The following GIT2 variants were observed in gnomAD, a reference collection of about 807,000 sequenced individuals.
GIT2 encodes the protein GIT ArfGAP 2.
A neutral mutation model predicts 100.3 loss-of-function variants in GIT2; 32 were observed. The ratio of observed to expected loss-of-function variants is 0.32; its 90% CI spans 0.24 to 0.43. The LOEUF (loss-of-function observed/expected upper bound fraction) is 0.43, where lower values mean the gene tolerates loss of function less well. Ranked by LOEUF, GIT2 falls within the 20% of genes least tolerant of loss-of-function variation. GIT2 has a pLI of 1.00. For missense variants in GIT2, 737 were observed against 975.1 expected, an observed-to-expected ratio of 0.76 and a Z score of 3.25; for synonymous variants, 353 against 364.1, an observed-to-expected ratio of 0.97 and a Z score of 0.35.
In GIT2 at chr12:109,988,995, C is replaced by A. The variant is rs771942558; in HGVS notation, c.373G>T (p.Asp125Tyr). The change falls in exon 4 of 20, where the codon GAC (aspartate) becomes TAC (tyrosine). Residue 125 changes from aspartate (D) to tyrosine (Y), a missense_variant. This residue lies in a region of GIT2 where 266 missense variants were observed against 376.2 expected (regional missense o/e 0.71). Coordinates refer to ENST00000355312, the MANE Select transcript of GIT2 (RefSeq NM_057169.5). ...AFVHRLPCRD[D>Y]DSVTAKDLSK... Reference sequence around the variant, plus strand: ...AGATCTTTGGCAGTCACACTATCGTCATCCCGGCAGGGCAAGCGATGGACG... The same window carrying A: ...AGATCTTTGGCAGTCACACTATCGTAATCCCGGCAGGGCAAGCGATGGACG... 19 of 1,611,724 alleles carry A rather than the reference C, an allele frequency of 1.2e-5. No homozygotes were observed. Among genetic ancestry groups the A allele is most frequent in the South Asian group, 6.6e-5 (6 of 91,038 alleles).
At chr12:109,937,687 A>C (rs1390735768) in intron 18 of GIT2, among the ~76,000 whole-genome samples, 5 of 152,110 alleles carry the variant, frequency 3.3e-5, no homozygotes, top group African/African-American at 1.2e-4. Flanking sequence ...GCAGAGATGG[A>C]CTTGGGTGAT....
intron 6 of GIT2, chr12:109,981,832 T>C (rs909953352): frequency 6.6e-6 from 1 of 152,232 alleles, no homozygotes; most frequent in African/African-American, 2.4e-5. Context: ...GTATATTTTG[T>C]GGTTTTTGTC....
At chr12:109,958,820 A>C (rs1051438819) in intron 12 of GIT2, among the ~76,000 whole-genome samples, 11 of 152,330 alleles carry the variant, frequency 7.2e-5, no homozygotes, top group Non-Finnish European at 1.2e-4. Flanking sequence ...ACCAATATGG[A>C]TACAGTAATA....
chr12:109,966,157 G>A (rs1037080875), intron 8 of GIT2, among the ~76,000 whole-genome samples: 1 of 151,694 alleles, frequency 6.6e-6, no homozygotes, highest in African/African-American at 2.4e-5. Flanking sequence ...CACTGTGCCT[G>A]GCTAATTTTT....
intron 16 of GIT2, among the ~76,000 whole-genome samples, chr12:109,942,646 C>A (rs1875138082): frequency 6.6e-6 from 1 of 152,174 alleles, no homozygotes; most frequent in Non-Finnish European, 1.5e-5. Flanking sequence ...TATAATGAAT[C>A]TTTTTGCCTT....
At chr12:109,988,682 G>A (rs577072103) in intron 4 of GIT2, among the ~76,000 whole-genome samples, 4 of 151,850 alleles carry the variant, frequency 2.6e-5, no homozygotes, top group South Asian at 4.2e-4. Flanking sequence ...GTGAAACCCC[G>A]TCTCTACTAA....
intron 4 of GIT2, among the ~76,000 whole-genome samples, chr12:109,984,227 T>C (rs1042671180): frequency 4.6e-5 from 7 of 151,836 alleles, no homozygotes; most frequent in South Asian, 4.2e-4. Context: ...CTGGGCCACA[T>C]AGCAAGACTC....
At chr12:109,943,814 C>T (rs1875498248) in intron 16 of GIT2, among the ~76,000 whole-genome samples, 1 of 151,886 alleles carries the variant, frequency 6.6e-6, no homozygotes, top group Non-Finnish European at 1.5e-5. Flanking sequence ...ATCTCAGCCT[C>T]CCAAGCACCT....
At chr12:109,959,766 TTTAA>T in intron 12 of GIT2, 77 bp downstream of exon 12, 1 of 814,484 alleles carries the variant, frequency 1.2e-6, no homozygotes, top group Non-Finnish European at 2.1e-6. Context: ...TGATGACTGC[TTTAA>T]TTAGTTTATA....
chr12:109,933,360 C>T lies in GIT2; in HGVS notation c.2068-170G>A, dbSNP rs1479748693. ...ACACTCCAAGCTTTGCAGCCCACAG[C>T]GTAAGAGATGCTGAAATATTCTGAT... On this transcript the variant is annotated intron_variant, in intron 19 of 19. Coordinates refer to ENST00000355312, the MANE Select transcript of GIT2 (RefSeq NM_057169.5). This position sits in a 1 kb window ranked among gnomAD's most constrained non-coding sequence, Gnocchi z 4.5. 8 of 557,584 alleles carry T rather than the reference C, an allele frequency of 1.4e-5. No homozygotes were observed. The highest frequency in any genetic ancestry group is 5.7e-5 in the East Asian group (2 of 35,242). 34.5% of individuals were successfully genotyped at this position (557,584 alleles called of 1,614,324 possible). A position where few individuals can be genotyped will look rare whatever the true frequency, so the allele number is the denominator to read the frequency against.
intron 16 of GIT2, among the ~76,000 whole-genome samples, chr12:109,942,218 A>AACTTGC: frequency 6.6e-6 from 1 of 152,116 alleles, no homozygotes; most frequent in East Asian, 1.9e-4. Flanking sequence ...AATAGATAAA[A>AACTTGC]ACTTGCATTT....
At chr12:109,944,889 C>A (rs1335259958) in intron 16 of GIT2, among the ~76,000 whole-genome samples, 2 of 151,368 alleles carry the variant, frequency 1.3e-5, no homozygotes, top group Admixed American at 1.3e-4. Flanking sequence ...CAGTTTCAAT[C>A]TGACAACTGT....
intron 12 of GIT2, chr12:109,954,573 A>G (rs1213611550): frequency 6.6e-6 from 1 of 152,104 alleles, no homozygotes; most frequent in African/African-American, 2.4e-5. Context: ...TGGATGGATG[A>G]TATCTGGGTG....
intron 7 of GIT2, among the ~76,000 whole-genome samples, chr12:109,976,105 T>TACACACACACACACAC (rs145928011): frequency 2.0e-5 from 3 of 149,134 alleles, no homozygotes; most frequent in South Asian, 2.1e-4. Context: ...GAAATTACTA[T>TACACACACACACACAC]ACACACACAC....
At chr12:109,985,429 A>T (rs184178422) in intron 4 of GIT2, among the ~76,000 whole-genome samples, 1 of 145,110 alleles carries the variant, frequency 6.9e-6, no homozygotes, top group East Asian at 1.9e-4. Context: ...AGGGGGGGGA[A>T]AAAAGGCCAG....
chr12:109,998,675 T>C (rs573523664), upstream of GIT2: 1 of 152,272 alleles, frequency 6.6e-6, no homozygotes, highest in South Asian at 2.1e-4. Context: ...AAAAATGACA[T>C]TCATACATGG....
intron 7 of GIT2, among the ~76,000 whole-genome samples, chr12:109,979,428 A>G (rs1405883259): frequency 6.6e-6 from 1 of 151,922 alleles, no homozygotes; most frequent in East Asian, 1.9e-4. Flanking sequence ...GCCTGCCACC[A>G]TGCCCAGCTA....
At chr12:109,938,711 A>G in intron 17 of GIT2, 143 bp from the exon 18 acceptor site, 1 of 585,638 alleles carries the variant, frequency 1.7e-6, no homozygotes. Context: ...CAGGAGACTC[A>G]TGGTAAGGCT....
chr12:109,939,047 A>C, intron 17 of GIT2, 118 bp downstream of exon 17: 1 of 685,282 alleles, frequency 1.5e-6, no homozygotes, highest in Non-Finnish European at 2.7e-6. Context: ...TTAAGACTTT[A>C]TGAGTCTGAA....
Sources: allele counts gnomAD v4.1 joint callset (sites outside exome capture counted in the v4.1 genomes callset), GRCh38; gene constraint gnomAD v4.1.1; regional missense constraint gnomAD v4.1.1; non-coding constraint Gnocchi (gnomAD v3.1); transcripts MANE v1.5; gene names NCBI Gene and HGNC (gene_info 2026-07-23, HGNC 2026-07-21).